PCDHA2: variants seen among roughly 807,000 people sequenced by gnomAD.
PCDHA2 encodes protocadherin alpha-2.
In PCDHA2, 58 loss-of-function variants were observed where a neutral mutation model predicts 66.0. The observed-to-expected ratio is 0.88, with a 90% confidence interval of 0.71 to 1.09. PCDHA2 has a LOEUF of 1.09. Among genes scored for constraint, PCDHA2 ranks in the 50% least tolerant of loss-of-function variants. The pLI, the probability that PCDHA2 is intolerant of heterozygous loss-of-function variation, is 0.00. For missense variants in PCDHA2, 1,267 were observed against 1,242.3 expected (o/e 1.02, Z -0.30); for synonymous variants, 634 against 554.0 (o/e 1.14, Z -2.03).
chr5:140,890,505 C>T (rs968263026), intron 1 of PCDHA2, among the ~76,000 whole-genome samples: 4 of 151,914 alleles, frequency 2.6e-5, no homozygotes, highest in Admixed American at 2.6e-4. Flanking sequence ...ATTTTTATGT[C>T]TCTATTTCCT....
intron 1 of PCDHA2, among the ~76,000 whole-genome samples, chr5:140,909,749 C>T (rs141984152): frequency 6.6e-6 from 1 of 152,114 alleles, no homozygotes; most frequent in African/African-American, 2.4e-5. Context: ...GGGGAAATGA[C>T]CACAGGATGA....
At chr5:140,910,699 C>T (rs2075133738) in intron 1 of PCDHA2, among the ~76,000 whole-genome samples, 1 of 152,180 alleles carries the variant, frequency 6.6e-6, no homozygotes. Flanking sequence ...AGCTTGCTCA[C>T]AGTGGGCCAT....
intron 1 of PCDHA2, chr5:140,883,148 A>G (rs1554176918): frequency 5.0e-6 from 8 of 1,614,078 alleles, no homozygotes; most frequent in Non-Finnish European, 6.8e-6. Context: ...ATATGCATTT[A>G]CCATAAATCC....
intron 1 of PCDHA2, chr5:140,825,350 T>C (rs548495464): frequency 2.0e-5 from 3 of 147,632 alleles, no homozygotes; most frequent in Non-Finnish European, 4.5e-5. Flanking sequence ...ATATATCTAA[T>C]ATATATTAGA....
Position 140,796,479 on chromosome 5 carries a change from G to T in PCDHA2, c.1515G>T (p.Ser505=), listed in dbSNP as rs139738142. 8.6e-4 allele frequency: 1,379 copies of T among 1,612,270 alleles called. 2 individuals are homozygous for T. The highest frequency in any genetic ancestry group is 6.8e-3 in the Middle Eastern group (33 of 4,888). ...GGCGGGTGGGCGAGCGCGCGTTGTC[G>T]AGCTACGTTTCGGTGCACGCGGAGA... is the stretch of plus-strand genomic sequence containing the variant. ...VERRVGERAL[S]SYVSVHAESG... is the part of the protein sequence containing the mutation. Residue 505 remains serine, a synonymous_variant, in exon 1 of 4, where the codon TCG becomes TCT. Transcript: ENST00000526136.
At chr5:140,858,132 A>G (rs781998170) in intron 1 of PCDHA2, 3 of 1,597,528 alleles carry the variant, frequency 1.9e-6, no homozygotes, top group Non-Finnish European at 2.6e-6. Context: ...GTGGATGTCA[A>G]CGTGTACCTG....
At position 140,852,910 on chromosome 5, in the gene PCDHA2, G is replaced by A. The variant is rs2150524838; in HGVS notation, c.2388+55558G>A. On this transcript the variant is annotated intron_variant, in intron 1 of 3. Transcript: ENST00000526136. The stretch of plus-strand genomic sequence containing the variant: ...ATTTTTTTTTTTGAGTCAGAGTCTC[G>A]CTCTGTTGCCCAGGCTGGAGTGCAG... 89 of 797,098 alleles carry A rather than the reference G, an allele frequency of 1.1e-4. 6 individuals carry two copies. Among genetic ancestry groups the A allele is most frequent in the Non-Finnish European group, 1.3e-4 (84 of 645,392 alleles). The allele number at this position is 797,098 out of a possible 1,614,324, so 49.4% of individuals were successfully genotyped here. A position where few individuals can be genotyped will look rare whatever the true frequency, so the allele number is the denominator to read the frequency against.
At chr5:140,821,716 A>T in intron 1 of PCDHA2, 2 of 1,489,172 alleles carry the variant, frequency 1.3e-6, no homozygotes, top group Non-Finnish European at 1.8e-6. Context: ...TGGGAATTGA[A>T]TTTACAAAAT....
chr5:140,857,783 C>T lies in PCDHA2; in HGVS notation c.2388+60431C>T, dbSNP rs782463412. 1.5e-5 allele frequency: 24 copies of T among 1,597,710 alleles called. No individual in the cohort carries two copies. The East Asian group carries it at 4.7e-4, about 31-fold the overall frequency. ...CAGCGCGGGCGGTGCAGTCAGTGAG[C>T]TGGTGCTGCGGTCGGTGGTTGCGGG... is the stretch of plus-strand genomic sequence containing the variant. On this transcript the variant is annotated intron_variant, in intron 1 of 3. Transcript: ENST00000526136.
Position 140,795,640 on chromosome 5 carries a change from G to A in PCDHA2, c.676G>A (p.Val226Ile), listed in dbSNP as rs1167729742. 5.0e-6 allele frequency: 8 copies of A among 1,614,098 alleles called. No individual in the cohort carries two copies. The African/African-American group carries it at 5.3e-5, about 11-fold the overall frequency. The part of the protein sequence containing the change: ...DGGKPELTGT[V>I]QILIKVLDVN... ...GGGCAAACCTGAGCTCACGGGCACC[G>A]TTCAAATACTTATTAAGGTATTAGA... is the stretch of plus-strand genomic sequence containing the variant. The change falls in exon 1 of 4, where the codon GTT (valine) becomes ATT (isoleucine). Residue 226 changes from valine to isoleucine, a missense_variant. By Grantham distance (29) the Val-to-Ile change is conservative. Transcript: ENST00000526136.
intron 1 of PCDHA2, among the ~76,000 whole-genome samples, chr5:140,903,450 T>A (rs2070311741): frequency 2.6e-5 from 4 of 152,202 alleles, no homozygotes; most frequent in Admixed American, 1.3e-4. Flanking sequence ...ATTCATCTGA[T>A]CAAACTTAAA....
At chr5:140,918,848 G>T (rs2078891260) in intron 1 of PCDHA2, among the ~76,000 whole-genome samples, 1 of 152,134 alleles carries the variant, frequency 6.6e-6, no homozygotes, top group Admixed American at 6.5e-5. Flanking sequence ...TAAATCTGCT[G>T]GTGCCTGAAT....
At chr5:140,801,178 A>G (rs925293774) in intron 1 of PCDHA2, 3 of 1,570,718 alleles carry the variant, frequency 1.9e-6, no homozygotes, top group African/African-American at 1.4e-5. Flanking sequence ...AGGCAATCTA[A>G]TATTTGGAAA....
chr5:140,981,881 C>T lies in PCDHA2; in HGVS notation c.2448-594C>T, dbSNP rs138571007. Among the ~76,000 whole-genome samples the T allele has an allele frequency of 4.1e-3, 622 of 152,270 alleles. 4 individuals carry two copies. Among genetic ancestry groups the T allele is most frequent in the African/African-American group, 0.014 (590 of 41,550 alleles). ...CAGCAATGTTTTATGCTGAATTAAT[C>T]TCTTCTGAGCGGGGATCTGTGAGTG... On this transcript the variant is annotated intron_variant, in intron 2 of 3. Transcript: ENST00000526136.
At chr5:140,987,592 G>A (rs150671243) in intron 3 of PCDHA2, among the ~76,000 whole-genome samples, 29 of 152,290 alleles carry the variant, frequency 1.9e-4, no homozygotes, top group Admixed American at 1.6e-3. Context: ...GAGAATAGTG[G>A]TGTCTACCTT....
At chr5:140,981,479 C>T (rs1275257398) in intron 2 of PCDHA2, among the ~76,000 whole-genome samples, 20 of 152,148 alleles carry the variant, frequency 1.3e-4, no homozygotes, top group African/African-American at 4.8e-4. Flanking sequence ...GAGGCTGAGG[C>T]AGGAGAATTG....
At position 140,893,180 on chromosome 5, in the gene PCDHA2, C is replaced by T. The variant is rs1388898676; in HGVS notation, c.2389-85769C>T. Among the ~76,000 whole-genome samples, 3 of 152,208 alleles carry T rather than the reference C, an allele frequency of 2.0e-5. No individual in the cohort carries two copies. In the South Asian group the frequency reaches 6.2e-4, roughly 31 times the overall value. On this transcript the variant is annotated intron_variant, in intron 1 of 3. Coordinates refer to ENST00000526136, the MANE Select transcript of PCDHA2 (RefSeq NM_018905.3). ...TATTGAGGTTGATTCCACATAGTAGCTATTGTGAATAGTGCTGCAGTAAGT... is the reference window on the plus strand; with the variant it reads ...TATTGAGGTTGATTCCACATAGTAGTTATTGTGAATAGTGCTGCAGTAAGT...
At chr5:140,874,124 T>C (rs926046559) in intron 1 of PCDHA2, among the ~76,000 whole-genome samples, 1 of 152,266 alleles carries the variant, frequency 6.6e-6, no homozygotes, top group Non-Finnish European at 1.5e-5. Flanking sequence ...TTATAGTTTA[T>C]TTAAGTTATC....
At chr5:141,005,689 G>A (rs980293858) in intron 3 of PCDHA2, among the ~76,000 whole-genome samples, 12 of 95,950 alleles carry the variant, frequency 1.3e-4, no homozygotes, top group African/African-American at 4.3e-4. Context: ...GCGACAGAGC[G>A]AAACTCCGTC....
Sources: gnomAD v4.1 joint callset for allele counts (sites outside exome capture counted in the v4.1 genomes callset) on GRCh38, gnomAD v4.1.1 for gene constraint, MANE v1.5 for transcripts, NCBI Gene and HGNC (gene_info 2026-07-23, HGNC 2026-07-21) for gene names.